The following PNPLA7 variants were observed in gnomAD, a reference collection of about 807,000 sequenced individuals.
The protein encoded by PNPLA7 is patatin like domain 7, lysophospholipase.
Under a neutral mutation model 161.7 loss-of-function variants are expected in PNPLA7, and 153 were observed. That is an observed-to-expected ratio of 0.95 (90% confidence interval 0.83 to 1.08). The LOEUF is 1.08. Ranked by LOEUF, PNPLA7 falls within the 50% of genes least tolerant of loss-of-function variation. The probability of loss-of-function intolerance (pLI) is 0.00; values close to 1 mark genes in which losing one functional copy is unlikely to be tolerated. For synonymous variants in PNPLA7, 809 were observed against 782.1 expected, an observed-to-expected ratio of 1.03 and a Z score of -0.57; for missense variants, 1,739 against 1,856.6, an observed-to-expected ratio of 0.94 and a Z score of 1.16.
chr9:137,484,305 A>G (rs764714748), intron 21 of PNPLA7, among the ~76,000 whole-genome samples: 1 of 152,238 alleles, frequency 6.6e-6, no homozygotes, highest in Admixed American at 6.5e-5. Flanking sequence ...CTTCCTGTCT[A>G]TCATCATGGT....
At chr9:137,521,140 T>G (rs1263401105) in intron 10 of PNPLA7, among the ~76,000 whole-genome samples, 1 of 151,808 alleles carries the variant, frequency 6.6e-6, no homozygotes, top group South Asian at 2.1e-4. Context: ...GGGATGGGCA[T>G]GGGGAGGGGC....
chr9:137,522,936 T>A (rs1327102059), intron 8 of PNPLA7, 79 bp from the exon 9 acceptor site: 18 of 1,577,332 alleles, frequency 1.1e-5, no homozygotes, highest in Non-Finnish European at 1.5e-5. Context: ...CTGGAAGCCC[T>A]GGAGGAGGCC....
intron 25 of PNPLA7, among the ~76,000 whole-genome samples, chr9:137,474,076 T>A (rs536750712): frequency 2.8e-4 from 43 of 152,178 alleles, no homozygotes; most frequent in African/African-American, 8.9e-4. Context: ...CCGTCTCTAT[T>A]AAAAATACAA....
Position 137,506,012 on chromosome 9 carries a change from C to G in PNPLA7, c.1297G>C (p.Glu433Gln), listed in dbSNP as rs74637847. 6.2e-7 allele frequency: 1 copy of G among 1,612,304 alleles called. No homozygotes were observed. The highest frequency in any genetic ancestry group is 8.5e-7 in the Non-Finnish European group (1 of 1,179,596). ...DRARVFLHSD[E>Q]HPGSSVASKS... ...CTGGCCACGGAGCTCCCGGGGTGCT[C>G]GTCCGAGTGCAGGAAGACCCTGGCA... Residue 433 changes from glutamate (E) to glutamine (Q), a missense_variant, in exon 13 of 35, where the codon GAG becomes CAG. Around this residue, in one of 6 missense-constraint regions of PNPLA7, gnomAD observed 481 missense variants for 450.0 expected, o/e 1.07. Coordinates refer to ENST00000406427, the MANE Select transcript of PNPLA7 (RefSeq NM_001098537.3).
At chr9:137,505,533 GAACC>G (rs1250554512) in intron 14 of PNPLA7, 77 bp downstream of exon 14, 2 of 1,538,430 alleles carry the variant, frequency 1.3e-6, no homozygotes, top group East Asian at 4.5e-5. Context: ...TCCACACCTG[GAACC>G]ACTGCCCAAC....
chr9:137,498,589 G>A (rs1275623854), intron 16 of PNPLA7, among the ~76,000 whole-genome samples: 5 of 152,258 alleles, frequency 3.3e-5, no homozygotes, highest in Non-Finnish European at 2.9e-5. Context: ...CTCGGGCCGT[G>A]GGTGTGGCTG....
chr9:137,523,821 A>G lies in PNPLA7; in HGVS notation c.748-964T>C, dbSNP rs547178429. On this transcript the variant is annotated intron_variant, in intron 8 of 34. Transcript: ENST00000406427. This position sits in a 1 kb window ranked among gnomAD's most constrained non-coding sequence, Gnocchi z 4.4. Reference sequence around the variant, plus strand: ...TGTTTTTTGAATTTTTAGTAGAGACAGGGTTTCACTGTGTTAGCCAGGAGG... The same window carrying G: ...TGTTTTTTGAATTTTTAGTAGAGACGGGGTTTCACTGTGTTAGCCAGGAGG... Among the ~76,000 whole-genome samples the G allele has an allele frequency of 1.5e-3, 222 of 152,046 alleles. No individual in the cohort carries two copies. Among genetic ancestry groups the G allele is most frequent in the Non-Finnish European group, 2.3e-3 (155 of 67,964 alleles).
Position 137,495,037 on chromosome 9 carries a change from G to A in PNPLA7, c.2123C>T (p.Pro708Leu). The A allele has an allele frequency of 1.2e-6, 2 of 1,608,578 alleles. No individual in the cohort carries two copies. The highest frequency in any genetic ancestry group is 1.7e-4 in the Middle Eastern group (1 of 6,044). Residue 708 changes from proline to leucine, a missense_variant, in exon 19 of 35, where the codon CCA (proline) becomes CTA (leucine). Coordinates refer to ENST00000406427, the MANE Select transcript of PNPLA7 (RefSeq NM_001098537.3). ...GALTSIKRRY[P>L]QVVTRLIHLL... ...CCTCACCCACGCCATGCTCACCTGTGGGTACCTGCGCTTGATGGACGTGAG... is the reference window on the plus strand; with the variant it reads ...CCTCACCCACGCCATGCTCACCTGTAGGTACCTGCGCTTGATGGACGTGAG...
In PNPLA7 at chr9:137,462,664, G is replaced by T. The variant is rs1292542593; in HGVS notation, c.3492+21C>A. 1.9e-6 allele frequency: 3 copies of T among 1,612,368 alleles called. No homozygotes were observed. In the South Asian group the frequency reaches 3.3e-5, roughly 18 times the overall value. On this transcript the variant is annotated intron_variant, in intron 30 of 34. Coordinates refer to ENST00000406427, the MANE Select transcript of PNPLA7 (RefSeq NM_001098537.3). ...AGGGAGGAGCAGCAGGGACAGCCCA[G>T]CCTGCCCGGTAGCACCCCACCTTGA...
chr9:137,460,921 C>G (rs75767267), intron 33 of PNPLA7, 184 bp from the exon 34 acceptor site: 13 of 585,742 alleles, frequency 2.2e-5, no homozygotes, highest in Non-Finnish European at 4.0e-5. Context: ...CTGTCTGGCT[C>G]CAGCTTTGCC....
At position 137,464,165 on chromosome 9, in the gene PNPLA7, T is replaced by C. The variant is rs1404156172; in HGVS notation, c.3187A>G (p.Thr1063Ala). Residue 1063 changes from threonine (T) to alanine (A), a missense_variant, in exon 28 of 35, where the codon ACC becomes GCC. Transcript: ENST00000406427. ...CGCATGGCCGAGGCTGTGATGTCGG[T>C]GGTGATGGCGAAATAAGGAATCCAC... is the stretch of plus-strand genomic sequence containing the variant. ...DLWIPYFAIT[T>A]DITASAMRVH... The C allele has an allele frequency of 2.5e-6, 4 of 1,613,554 alleles. No homozygotes were observed. Among genetic ancestry groups the C allele is most frequent in the African/African-American group, 1.3e-5 (1 of 74,884 alleles).
In PNPLA7 at chr9:137,547,202, A is replaced by T. The variant is rs979303014; in HGVS notation, c.193+107T>A. The T allele has an allele frequency of 3.8e-5, 43 of 1,137,486 alleles. No individual in the cohort carries two copies. The African/African-American group carries it at 5.7e-4, about 15-fold the overall frequency. 70.5% of individuals were successfully genotyped at this position (1,137,486 alleles called of 1,614,324 possible). Reference sequence around the variant, plus strand: ...CCAGACGGGCCATCAGATTCTAGCCAAAGCCACCATGCGCTTGAGGGCCCC... The same window carrying T: ...CCAGACGGGCCATCAGATTCTAGCCTAAGCCACCATGCGCTTGAGGGCCCC... On this transcript the variant is annotated intron_variant, in intron 3 of 34. Transcript: ENST00000406427. The surrounding 1 kb of genome is among the most constrained non-coding windows in gnomAD (Gnocchi z 4.6).
At chr9:137,503,721 G>A (rs1317983100) in intron 14 of PNPLA7, among the ~76,000 whole-genome samples, 4 of 143,442 alleles carry the variant, frequency 2.8e-5, no homozygotes, top group African/African-American at 8.1e-5. Context: ...AGGAGAAAGG[G>A]AAGAAAGGGG....
rs1023395248 is a variant in PNPLA7 at position 137,490,317 on chromosome 9, G to A, written c.2197+2696C>T. On this transcript the variant is annotated intron_variant, in intron 20 of 34. Coordinates refer to ENST00000406427, the MANE Select transcript of PNPLA7 (RefSeq NM_001098537.3). This position sits in a 1 kb window ranked among gnomAD's most constrained non-coding sequence, Gnocchi z 4.1. ...TCACTATGTTGCCCGGGCTGGTCTCGAACTCTTGGGCTCAAATAATCCTCC... is the reference window on the plus strand; with the variant it reads ...TCACTATGTTGCCCGGGCTGGTCTCAAACTCTTGGGCTCAAATAATCCTCC... Among the ~76,000 whole-genome samples, 1 of 152,084 alleles carries A rather than the reference G, an allele frequency of 6.6e-6. No individual in the cohort carries two copies. Among genetic ancestry groups the A allele is most frequent in the Non-Finnish European group, 1.5e-5 (1 of 68,010 alleles).
rs1213308291 is a variant in PNPLA7, at chr9:137,523,607, C to T, written c.748-750G>A. Among the ~76,000 whole-genome samples, 7 of 151,064 alleles carry T rather than the reference C, an allele frequency of 4.6e-5. No homozygotes were observed. The highest frequency in any genetic ancestry group is 4.2e-4 in the South Asian group (2 of 4,776). On this transcript the variant is annotated intron_variant, in intron 8 of 34. Coordinates refer to ENST00000406427, the MANE Select transcript of PNPLA7 (RefSeq NM_001098537.3). This position sits in a 1 kb window ranked among gnomAD's most constrained non-coding sequence, Gnocchi z 4.4. ...CGAAAGGCTGTTGTTTACACCATGC[C>T]GTCACCTGCCTGCAGAGACAGATTT... is the stretch of plus-strand genomic sequence containing the variant.
At chr9:137,473,645 T>G (rs183338421) in intron 25 of PNPLA7, among the ~76,000 whole-genome samples, 29 of 152,300 alleles carry the variant, frequency 1.9e-4, no homozygotes, top group Non-Finnish European at 5.9e-5. Flanking sequence ...ATAAAGAACT[T>G]AAATGGATAC....
chr9:137,463,571 G>C, intron 28 of PNPLA7, 40 bp from the exon 29 acceptor site: 3 of 1,446,522 alleles, frequency 2.1e-6, no homozygotes, highest in South Asian at 1.2e-5. Flanking sequence ...CCCGGAGGAG[G>C]CTCCTCCTGG....
At chr9:137,474,341 C>T (rs1043499383) in intron 25 of PNPLA7, among the ~76,000 whole-genome samples, 3 of 152,222 alleles carry the variant, frequency 2.0e-5, no homozygotes, top group Non-Finnish European at 2.9e-5. Context: ...ATAAGCAAAG[C>T]GTGGGGAGGG....
intron 12 of PNPLA7, among the ~76,000 whole-genome samples, chr9:137,512,625 C>G (rs1834300036): frequency 6.6e-6 from 1 of 152,276 alleles, no homozygotes; most frequent in Admixed American, 6.5e-5. Context: ...GCGCATTATA[C>G]AACCATCACT....
Sources: gnomAD v4.1 joint callset for allele counts (sites outside exome capture counted in the v4.1 genomes callset) on GRCh38, gnomAD v4.1.1 for gene constraint, gnomAD v4.1.1 regional missense constraint, Gnocchi (gnomAD v3.1) non-coding constraint, MANE v1.5 for transcripts, NCBI Gene and HGNC (gene_info 2026-07-23, HGNC 2026-07-21) for gene names.